Variants in GOLGB1 observed in about 807,000 individuals in gnomAD.
The protein encoded by GOLGB1 is golgin B1, also known as golgin subfamily B member 1.
GOLGB1 carries 174 observed loss-of-function variants against 336.9 expected under a neutral mutation model. The ratio of observed to expected loss-of-function variants is 0.52; its 90% CI spans 0.46 to 0.59. GOLGB1 has a LOEUF of 0.59. Ranked by LOEUF, GOLGB1 falls within the 20% of genes least tolerant of loss-of-function variation. The pLI is 0.00. For missense variants in GOLGB1, 3,331 were observed against 3,645.3 expected (o/e 0.91, Z 2.22); for synonymous variants, 1,208 against 1,289.2 (o/e 0.94, Z 1.35).
At chr3:121,674,868 G>T (rs902184786) in intron 17 of GOLGB1, among the ~76,000 whole-genome samples, 12 of 125,210 alleles carry the variant, frequency 9.6e-5, no homozygotes, top group Non-Finnish European at 1.6e-4. Flanking sequence ...TCGCTCTGTC[G>T]CCCAGGCCGG....
In GOLGB1 at chr3:121,692,419, CA is replaced by C; in HGVS notation, c.6944del (p.Leu2315TrpfsTer12). 1 of 1,613,572 alleles carries C rather than the reference CA, an allele frequency of 6.2e-7. No homozygotes were observed. Among genetic ancestry groups the C allele is most frequent in the Non-Finnish European group, 8.5e-7 (1 of 1,179,868 alleles). Reference sequence around the variant, plus strand: ...CTTTGAGACTCTTAAGTTCTGATTCCAACTTAGCTAATTCATTCTGAGAACT... The same window carrying C: ...CTTTGAGACTCTTAAGTTCTGATTCCACTTAGCTAATTCATTCTGAGAACT... ...YHSSQNELAK[L>X]ESELKSLKDQ... On this transcript the variant is annotated frameshift_variant, in exon 14 of 22. Transcript: ENST00000614479. LOFTEE classifies it high-confidence loss of function.
At chr3:121,708,043 T>G (rs1014047707) in intron 10 of GOLGB1, among the ~76,000 whole-genome samples, 1 of 152,186 alleles carries the variant, frequency 6.6e-6, no homozygotes, top group African/African-American at 2.4e-5. Context: ...TATCCATCAA[T>G]GAGTCAATGG....
Position 121,699,597 on chromosome 3 carries a change from G to C in GOLGB1, c.1593+215C>G, listed in dbSNP as rs78194106. On this transcript the variant is annotated intron_variant, in intron 12 of 21. Transcript: ENST00000614479. ...ATCAAATCCCAAATTAGTAGCTACT[G>C]TATTTGTGTTGCTTTAGAACAATGA... Among the ~76,000 whole-genome samples the C allele has an allele frequency of 6.1e-3, 927 of 152,198 alleles. 17 individuals carry two copies. The highest frequency in any genetic ancestry group is 0.021 in the African/African-American group (892 of 41,550).
intron 8 of GOLGB1, among the ~76,000 whole-genome samples, chr3:121,717,845 A>G (rs1395979612): frequency 6.6e-6 from 1 of 152,172 alleles, no homozygotes; most frequent in Non-Finnish European, 1.5e-5. Context: ...TTTTTTTCAG[A>G]TGGTGGAATA....
rs1250166219 is a variant in GOLGB1, at chr3:121,729,306, T to A, written c.284A>T (p.Lys95Ile). 1 of 1,612,938 alleles carries A rather than the reference T, an allele frequency of 6.2e-7. No individual in the cohort carries two copies. The highest frequency in any genetic ancestry group is 8.5e-7 in the Non-Finnish European group (1 of 1,179,298). ...ERKAADNKIK[K>I]LKLHAKAKLT... Reference sequence around the variant, plus strand: ...TTTGGCCTTCGCATGAAGTTTTAGTTTTTTAATTTTGTTATCAGCAGCTTT... The same window carrying A: ...TTTGGCCTTCGCATGAAGTTTTAGTATTTTAATTTTGTTATCAGCAGCTTT... Residue 95 changes from lysine (K) to isoleucine (I), a missense_variant, in exon 4 of 22, where the codon AAA becomes ATA. Physicochemically the swap from Lys to Ile is moderately radical, Grantham distance 102. Coordinates refer to ENST00000614479, the MANE Select transcript of GOLGB1 (RefSeq NM_001366282.2).
Position 121,698,471 on chromosome 3 carries a change from A to ACC in GOLGB1, c.2050_2051dup (p.Gln685ValfsTer11). On this transcript the variant is annotated frameshift_variant, in exon 13 of 22. Coordinates refer to ENST00000614479, the MANE Select transcript of GOLGB1 (RefSeq NM_001366282.2). LOFTEE classifies it high-confidence loss of function. ...TTTCCAACTCATCCTGATGACACTG[A>ACC]CCAATATCTGGTACAGCAGAAAGGG... 1 of 1,613,802 alleles carries ACC rather than the reference A, an allele frequency of 6.2e-7. No individual in the cohort carries two copies. The highest frequency in any genetic ancestry group is 8.5e-7 in the Non-Finnish European group (1 of 1,179,802).
chr3:121,721,690 G>C (rs771177017), intron 6 of GOLGB1, among the ~76,000 whole-genome samples: 2 of 152,008 alleles, frequency 1.3e-5, no homozygotes, highest in African/African-American at 2.4e-5. Context: ...AATAGAAAAA[G>C]TTGAGGATGC....
chr3:121,717,154 A>G lies in GOLGB1; in HGVS notation c.886-15T>C, dbSNP rs755689108. 8 of 1,579,688 alleles carry G rather than the reference A, an allele frequency of 5.1e-6. No individual in the cohort carries two copies. Among genetic ancestry groups the G allele is most frequent in the East Asian group, 4.5e-5 (2 of 44,692 alleles). The stretch of plus-strand genomic sequence containing the variant: ...TGAGAGAGAATCTAAGAAAAAAGAC[A>G]AAGTCTCATGAGCCATAAATACATT... On this transcript the variant is annotated splice_polypyrimidine_tract_variant and intron_variant, in intron 8 of 21. Coordinates refer to ENST00000614479, the MANE Select transcript of GOLGB1 (RefSeq NM_001366282.2).
At chr3:121,689,477 C>T (rs1383378567) in intron 14 of GOLGB1, among the ~76,000 whole-genome samples, 1 of 151,458 alleles carries the variant, frequency 6.6e-6, no homozygotes, top group Non-Finnish European at 1.5e-5. Context: ...GTCATCACCA[C>T]TCCCTAATCT....
chr3:121,715,535 C>A (rs1263226368), intron 9 of GOLGB1, among the ~76,000 whole-genome samples: 1 of 151,722 alleles, frequency 6.6e-6, no homozygotes, highest in Non-Finnish European at 1.5e-5. Context: ...TTTACAAGTT[C>A]ATTTTCCCTT....
chr3:121,677,313 T>C lies in GOLGB1; in HGVS notation c.9011A>G (p.Gln3004Arg). Residue 3004 changes from glutamine (Q) to arginine (R), a missense_variant, in exon 16 of 22, where the codon CAG becomes CGG. Gln to Arg is a conservative substitution (Grantham distance 43, BLOSUM62 1). Coordinates refer to ENST00000614479, the MANE Select transcript of GOLGB1 (RefSeq NM_001366282.2). ...TCTTTGGTATTGCACTTTGAGAGGCTGAGTCTGGGAGGAAGAAGACCTCAA... is the reference window on the plus strand; with the variant it reads ...TCTTTGGTATTGCACTTTGAGAGGCCGAGTCTGGGAGGAAGAAGACCTCAA... ...RELRSSSSQT[Q>R]PLKVQYQRQA... is the part of the protein sequence containing the mutation. 3.1e-6 allele frequency: 5 copies of C among 1,611,726 alleles called. No individual in the cohort carries two copies. Among genetic ancestry groups the C allele is most frequent in the Non-Finnish European group, 4.2e-6 (5 of 1,178,162 alleles).
In GOLGB1 at chr3:121,698,212, C is replaced by A; in HGVS notation, c.2311G>T (p.Val771Leu). The A allele has an allele frequency of 1.2e-6, 2 of 1,613,854 alleles. No homozygotes were observed. ...LSMVTELRAQVKQLEMNLAEA... is the reference protein window; with the variant it reads ...LSMVTELRAQLKQLEMNLAEA... ...GCAAGGTTCATTTCCAGTTGCTTTA[C>A]CTGAGCCCTCAATTCTGTTACCATG... The change falls in exon 13 of 22, where the codon GTA becomes TTA. Residue 771 changes from valine (V) to leucine (L), a missense_variant. Val to Leu is a conservative substitution (Grantham distance 32, BLOSUM62 1). Transcript: ENST00000614479.
intron 1 of GOLGB1, among the ~76,000 whole-genome samples, chr3:121,738,587 G>C (rs1222300579): frequency 6.6e-6 from 1 of 152,138 alleles, no homozygotes; most frequent in Non-Finnish European, 1.5e-5. Flanking sequence ...GCCAATTACA[G>C]AACAGTAGTT....
At chr3:121,687,091 G>A (rs1263817444) in intron 14 of GOLGB1, among the ~76,000 whole-genome samples, 1 of 152,134 alleles carries the variant, frequency 6.6e-6, no homozygotes, top group Non-Finnish European at 1.5e-5. Context: ...TGGCCAATAT[G>A]GTGAAACCCC....
chr3:121,696,990 T>G lies in GOLGB1; in HGVS notation c.3533A>C (p.Lys1178Thr), dbSNP rs1231356948. Residue 1178 changes from lysine to threonine, a missense_variant, in exon 13 of 22, where the codon AAG (lysine) becomes ACG (threonine). Transcript: ENST00000614479. ...EEKILALEKE[K>T]EQLQKKLQEA... is the part of the protein sequence containing the mutation. ...CTGTAGCTTCTTTTGAAGTTGCTCC[T>G]TTTCTTTTTCAAGGGCCAGTATCTT... 1 of 1,614,136 alleles carries G rather than the reference T, an allele frequency of 6.2e-7. No homozygotes were observed. The highest frequency in any genetic ancestry group is 2.2e-5 in the East Asian group (1 of 44,886).
Position 121,692,423 on chromosome 3 carries a change from T to A in GOLGB1, c.6941A>T (p.Lys2314Met). The change falls in exon 14 of 22, where the codon AAG becomes ATG. Residue 2314 changes from lysine to methionine, a missense_variant. Lys to Met is a moderately conservative substitution (Grantham distance 95, BLOSUM62 -1). Coordinates refer to ENST00000614479, the MANE Select transcript of GOLGB1 (RefSeq NM_001366282.2). ...GAGACTCTTAAGTTCTGATTCCAAC[T>A]TAGCTAATTCATTCTGAGAACTGTG... ...LYHSSQNELAKLESELKSLKD... is the reference protein window; with the variant it reads ...LYHSSQNELAMLESELKSLKD... 6.2e-7 allele frequency: 1 copy of A among 1,613,884 alleles called. No individual in the cohort carries two copies. The highest frequency in any genetic ancestry group is 8.5e-7 in the Non-Finnish European group (1 of 1,179,950).
At chr3:121,727,448 G>A (rs1945764550) in intron 4 of GOLGB1, among the ~76,000 whole-genome samples, 1 of 150,306 alleles carries the variant, frequency 6.7e-6, no homozygotes, top group Non-Finnish European at 1.5e-5. Context: ...TACTGGAGGG[G>A]ATGTGATAAT....
chr3:121,727,817 C>A (rs1406479749), intron 4 of GOLGB1, among the ~76,000 whole-genome samples: 9 of 152,070 alleles, frequency 5.9e-5, no homozygotes, highest in African/African-American at 2.2e-4. Flanking sequence ...CAGTCAAGCA[C>A]CTGAGGACTG....
At position 121,664,910 on chromosome 3, in the gene GOLGB1, T is replaced by C. The variant is rs749077605; in HGVS notation, c.9660+16A>G. ...CAGATAATAAAACACCCTCTCTTTA[T>C]CCTTCTTCCTCTTACCCTTCGACAA... On this transcript the variant is annotated intron_variant, in intron 21 of 21. Coordinates refer to ENST00000614479, the MANE Select transcript of GOLGB1 (RefSeq NM_001366282.2). 6.9e-7 allele frequency: 1 copy of C among 1,444,524 alleles called. No homozygotes were observed. Among genetic ancestry groups the C allele is most frequent in the Non-Finnish European group, 9.8e-7 (1 of 1,025,174 alleles). The allele number at this position is 1,444,524 out of a possible 1,614,324, so 89.5% of individuals were successfully genotyped here.
Sources: allele counts gnomAD v4.1 joint callset (sites outside exome capture counted in the v4.1 genomes callset), GRCh38; gene constraint gnomAD v4.1.1; transcripts MANE v1.5; gene names NCBI Gene and HGNC (gene_info 2026-07-23, HGNC 2026-07-21).